Variants in ATP4A observed in about 807,000 individuals in gnomAD.
The protein encoded by ATP4A is ATPase H+/K+ transporting subunit alpha, also known as potassium-transporting ATPase alpha chain 1.
In ATP4A, 73 loss-of-function variants were observed where a neutral mutation model predicts 112.1. The ratio of observed to expected loss-of-function variants is 0.65; its 90% CI spans 0.54 to 0.79. ATP4A has a LOEUF of 0.79. ATP4A is among the 30% of genes least tolerant of loss of function. The pLI, the probability that ATP4A is intolerant of heterozygous loss-of-function variation, is 0.00. For missense variants in ATP4A, 1,081 were observed against 1,425.9 expected, an observed-to-expected ratio of 0.76 and a Z score of 3.90; for synonymous variants, 588 against 588.9, an observed-to-expected ratio of 1.00 and a Z score of 0.02.
At chr19:35,552,031 A>G (rs988275692) in intron 18 of ATP4A, among the ~76,000 whole-genome samples, 4 of 152,118 alleles carry the variant, frequency 2.6e-5, no homozygotes, top group African/African-American at 9.7e-5. Context: ...GCCACTATGC[A>G]GCCCATTTCT....
rs753954238 is a variant in ATP4A at position 35,558,561 on chromosome 19, G to GC, written c.1365+15dup. ...ACCAGCCTCCCGGGATTCCCTGGAG[G>GC]CCCCCTGGCTCTCACCTTGGGCACA... On this transcript the variant is annotated intron_variant, in intron 9 of 21. Coordinates refer to ENST00000262623, the MANE Select transcript of ATP4A (RefSeq NM_000704.3). The surrounding 1 kb of genome is among the most constrained non-coding windows in gnomAD (Gnocchi z 5.1). 6 of 1,595,774 alleles carry GC rather than the reference G, an allele frequency of 3.8e-6. No individual in the cohort carries two copies. Among genetic ancestry groups the GC allele is most frequent in the Non-Finnish European group, 5.1e-6 (6 of 1,172,078 alleles).
In ATP4A at chr19:35,556,942, CA is replaced by C; in HGVS notation, c.1839del (p.Val614CysfsTer11). 6.2e-7 allele frequency: 1 copy of C among 1,614,198 alleles called. No individual in the cohort carries two copies. The highest frequency in any genetic ancestry group is 1.1e-5 in the South Asian group (1 of 91,082). ...IDPPRATVPD[A>X]VLKCRTAGIR... is the part of the protein sequence containing the mutation. The stretch of plus-strand genomic sequence containing the variant: ...ATGCCTGCGGTGCGACACTTGAGCA[CA>C]GCATCAGGGACGGTGGCCCGGGGTG... On this transcript the variant is annotated frameshift_variant, in exon 12 of 22. Coordinates refer to ENST00000262623, the MANE Select transcript of ATP4A (RefSeq NM_000704.3). LOFTEE classifies it high-confidence loss of function.
At chr19:35,563,593 C>A (rs2071685817) in intron 1 of ATP4A, 25 bp downstream of exon 1, 1 of 1,613,910 alleles carries the variant, frequency 6.2e-7, no homozygotes, top group Non-Finnish European at 8.5e-7. Flanking sequence ...CCCCACTGCA[C>A]CCCGGACCCC....
Position 35,558,139 on chromosome 19 carries a change from C to G in ATP4A, c.1500+223G>C, listed in dbSNP as rs2071643585. The G allele has an allele frequency of 3.0e-6, 2 of 662,148 alleles. No individual in the cohort carries two copies. Among genetic ancestry groups the G allele is most frequent in the African/African-American group, 1.9e-5 (1 of 53,806 alleles). The allele number at this position is 662,148 out of a possible 1,614,324, so 41.0% of individuals were successfully genotyped here. A position where few individuals can be genotyped will look rare whatever the true frequency, so the allele number is the denominator to read the frequency against. ...CGGATTTGGAGAGCGAGGTGCTCCC[C>G]ATGGACAGTCCCGCCGAGGAGAAGC... is the stretch of plus-strand genomic sequence containing the variant. On this transcript the variant is annotated intron_variant, in intron 10 of 21. Transcript: ENST00000262623. This position sits in a 1 kb window ranked among gnomAD's most constrained non-coding sequence, Gnocchi z 5.1.
Position 35,560,663 on chromosome 19 carries a change from G to GGGGGGGGGGGGGC in ATP4A, c.535-49_535-48insGCCCCCCCCCCCC. Reference sequence around the variant, plus strand: ...TTGAGGTGGACGGGGGTGGGGGTGGGAGCTGCTGCATGTGGGGAGGTAAAG... The same window carrying GGGGGGGGGGGGGC: ...TTGAGGTGGACGGGGGTGGGGGTGGGGGGGGGGGGGGGCAGCTGCTGCATGTGGGGAGGTAAAG... On this transcript the variant is annotated intron_variant, in intron 5 of 21. Transcript: ENST00000262623. The surrounding 1 kb of genome is among the most constrained non-coding windows in gnomAD (Gnocchi z 5.1). The GGGGGGGGGGGGGC allele has an allele frequency of 2.3e-5, 20 of 883,816 alleles. No homozygotes were observed. The highest frequency in any genetic ancestry group is 6.8e-5 in the East Asian group (2 of 29,412). 54.7% of individuals were successfully genotyped at this position (883,816 alleles called of 1,614,324 possible).
In ATP4A at chr19:35,557,953, T is replaced by G. The variant is rs559125761; in HGVS notation, c.1501-106A>C. 1 of 929,214 alleles carries G rather than the reference T, an allele frequency of 1.1e-6. No homozygotes were observed. The highest frequency in any genetic ancestry group is 1.8e-5 in the South Asian group (1 of 56,138). 57.6% of individuals were successfully genotyped at this position (929,214 alleles called of 1,614,324 possible). A position where few individuals can be genotyped will look rare whatever the true frequency, so the allele number is the denominator to read the frequency against. On this transcript the variant is annotated intron_variant, in intron 10 of 21. Coordinates refer to ENST00000262623, the MANE Select transcript of ATP4A (RefSeq NM_000704.3). This position sits in a 1 kb window ranked among gnomAD's most constrained non-coding sequence, Gnocchi z 4.4. ...GAGAGGGGCGGGGCCGAGAGCTCGG[T>G]GCGGGCTCTGAGAGCTGCGGGGAAG...
intron 16 of ATP4A, 78 bp from the exon 17 acceptor site, chr19:35,553,907 C>G (rs941808269): frequency 4.0e-6 from 6 of 1,507,056 alleles, no homozygotes; most frequent in South Asian, 2.6e-5. Context: ...CCCCTTCCCC[C>G]ACTTGTGAGC....
At position 35,560,734 on chromosome 19, in the gene ATP4A, G is replaced by A; in HGVS notation, c.534+85C>T. ...ATGGGGAGAGATGGAGGCCACAGAT[G>A]AGGGACAGGGGCCTGATGGAAGGAG... On this transcript the variant is annotated intron_variant, in intron 5 of 21. Transcript: ENST00000262623. The surrounding 1 kb of genome is among the most constrained non-coding windows in gnomAD (Gnocchi z 5.1). 3 of 1,573,762 alleles carry A rather than the reference G, an allele frequency of 1.9e-6. No homozygotes were observed. The highest frequency in any genetic ancestry group is 2.6e-6 in the Non-Finnish European group (3 of 1,144,472).
intron 16 of ATP4A, 116 bp from the exon 17 acceptor site, chr19:35,553,945 G>A: frequency 7.1e-7 from 1 of 1,399,516 alleles, no homozygotes; most frequent in Non-Finnish European, 9.5e-7. Flanking sequence ...TAGCAGGCAG[G>A]ACCTGCAGGG....
Position 35,559,677 on chromosome 19 carries a change from G to C in ATP4A, c.1056+128C>G, listed in dbSNP as rs544400691. 1 of 1,392,858 alleles carries C rather than the reference G, an allele frequency of 7.2e-7. No individual in the cohort carries two copies. Among genetic ancestry groups the C allele is most frequent in the Non-Finnish European group, 9.6e-7 (1 of 1,040,158 alleles). 86.3% of individuals were successfully genotyped at this position (1,392,858 alleles called of 1,614,324 possible). A position where few individuals can be genotyped will look rare whatever the true frequency, so the allele number is the denominator to read the frequency against. Reference sequence around the variant, plus strand: ...TGCTGAATGAGTGGATGATGGGAAGGCAGGAGAATGGATGGGAGCTAAGTG... The same window carrying C: ...TGCTGAATGAGTGGATGATGGGAAGCCAGGAGAATGGATGGGAGCTAAGTG... On this transcript the variant is annotated intron_variant, in intron 7 of 21. Coordinates refer to ENST00000262623, the MANE Select transcript of ATP4A (RefSeq NM_000704.3). The surrounding 1 kb of genome is among the most constrained non-coding windows in gnomAD (Gnocchi z 4.1).
chr19:35,551,575 G>C lies in ATP4A; in HGVS notation c.2757C>G (p.Phe919Leu), dbSNP rs542515077. 1 of 1,611,850 alleles carries C rather than the reference G, an allele frequency of 6.2e-7. No homozygotes were observed. Among genetic ancestry groups the C allele is most frequent in the Non-Finnish European group, 8.5e-7 (1 of 1,179,022 alleles). Residue 919 changes from phenylalanine to leucine, a missense_variant, in exon 19 of 22, where the codon TTC becomes TTG. Phe to Leu is a conservative substitution (Grantham distance 22). Transcript: ENST00000262623. This position sits in a 1 kb window ranked among gnomAD's most constrained non-coding sequence, Gnocchi z 5.2. ...TGTACTGCTGGTACAGGCGCTGCCCGAATGTCTGCAGGCCAGGGGCAAACG... is the reference window on the plus strand; with the variant it reads ...TGTACTGCTGGTACAGGCGCTGCCCCAATGTCTGCAGGCCAGGGGCAAACG... ...LQDSYGQEWT[F>L]GQRLYQQYTC... is the part of the protein sequence containing the mutation.
chr19:35,558,937 G>A lies in ATP4A; in HGVS notation c.1255+56C>T. Reference sequence around the variant, plus strand: ...CTCCCTACCTCCCTATCCCTCTTCAGGTCTCCACCATCCACCAGATCCTGC... The same window carrying A: ...CTCCCTACCTCCCTATCCCTCTTCAAGTCTCCACCATCCACCAGATCCTGC... On this transcript the variant is annotated intron_variant, in intron 8 of 21. Coordinates refer to ENST00000262623, the MANE Select transcript of ATP4A (RefSeq NM_000704.3). This position sits in a 1 kb window ranked among gnomAD's most constrained non-coding sequence, Gnocchi z 5.1. The A allele has an allele frequency of 1.9e-6, 3 of 1,599,482 alleles. No individual in the cohort carries two copies. The South Asian group carries it at 3.3e-5, about 18-fold the overall frequency.
In ATP4A at chr19:35,559,804, C is replaced by T. The variant is rs2071656401; in HGVS notation, c.1056+1G>A. On this transcript the variant is annotated splice_donor_variant, in intron 7 of 21. Coordinates refer to ENST00000262623, the MANE Select transcript of ATP4A (RefSeq NM_000704.3). LOFTEE classifies it high-confidence loss of function. This position sits in a 1 kb window ranked among gnomAD's most constrained non-coding sequence, Gnocchi z 4.1. ...CTGCATCCCCGCCTGCCCCCACTCA[C>T]TGTGACAGTGGCCAGCAGCCCCTCA... 2 of 1,613,656 alleles carry T rather than the reference C, an allele frequency of 1.2e-6. No homozygotes were observed. Among genetic ancestry groups the T allele is most frequent in the Non-Finnish European group, 8.5e-7 (1 of 1,179,760 alleles).
In ATP4A at chr19:35,557,778, G is replaced by T. The variant is rs777938519; in HGVS notation, c.1570C>A (p.Arg524Ser). Residue 524 changes from arginine (R) to serine (S), a missense_variant, in exon 11 of 22, where the codon CGC becomes AGC. Around this residue, in one of 3 missense-constraint regions of ATP4A, gnomAD observed 850 missense variants for 1,068.2 expected, o/e 0.80. Transcript: ENST00000262623. This position sits in a 1 kb window ranked among gnomAD's most constrained non-coding sequence, Gnocchi z 4.4. The stretch of plus-strand genomic sequence containing the variant: ...ATGGAGCTGCAGCGCTCCAGCACGC[G>T]CTCGGGGGCGCCCTTCATCACCAGC... ...HLLVMKGAPE[R>S]VLERCSSILI... is the part of the protein sequence containing the mutation. 1.1e-4 allele frequency: 174 copies of T among 1,582,596 alleles called. No individual in the cohort carries two copies. Among genetic ancestry groups the T allele is most frequent in the Non-Finnish European group, 1.5e-4 (169 of 1,159,084 alleles).
chr19:35,559,093 G>A lies in ATP4A; in HGVS notation c.1155C>T (p.Cys385=), dbSNP rs1157865599. 1 of 1,614,224 alleles carries A rather than the reference G, an allele frequency of 6.2e-7. No individual in the cohort carries two copies. The highest frequency in any genetic ancestry group is 1.7e-5 in the Admixed American group (1 of 60,026). Residue 385 remains cysteine (C), a synonymous_variant, in exon 8 of 22, where the codon TGC becomes TGT. Coordinates refer to ENST00000262623, the MANE Select transcript of ATP4A (RefSeq NM_000704.3). The surrounding 1 kb of genome is among the most constrained non-coding windows in gnomAD (Gnocchi z 4.1). ...GAGTGAGAGTCCCTGTCTTGTCCGA[G>A]CAGATCACCGAAGTGGAGCCCAATG... The part of the protein sequence containing the change: ...VETLGSTSVI[C]SDKTGTLTQN...
In ATP4A at chr19:35,555,506, G is replaced by T; in HGVS notation, c.2091C>A (p.Pro697=). The change falls in exon 14 of 22, where the codon CCC becomes CCA. Residue 697 remains proline, a synonymous_variant. Coordinates refer to ENST00000262623, the MANE Select transcript of ATP4A (RefSeq NM_000704.3). The surrounding 1 kb of genome is among the most constrained non-coding windows in gnomAD (Gnocchi z 6.6). ...GGCTGGTGCGCGCAAACACCATCTC[G>T]GGGTGGGTGCGCAGGGCCTCGACCA... ...SELVEALRTH[P]EMVFARTSPQ... The T allele has an allele frequency of 6.2e-7, 1 of 1,608,020 alleles. No individual in the cohort carries two copies. The highest frequency in any genetic ancestry group is 1.1e-5 in the South Asian group (1 of 90,240).
At chr19:35,552,916 GGGGTCC>G in intron 18 of ATP4A, 115 bp downstream of exon 18, 2 of 1,308,852 alleles carry the variant, frequency 1.5e-6, no homozygotes, top group Non-Finnish European at 2.0e-6. Context: ...AGGGAGTCTG[GGGGTCC>G]GGGATGCTCT....
Position 35,551,272 on chromosome 19 carries a change from A to C in ATP4A, c.2886-161T>G, listed in dbSNP as rs1426189524. Among the ~76,000 whole-genome samples the C allele has an allele frequency of 6.6e-6, 1 of 152,068 alleles. No individual in the cohort carries two copies. The highest frequency in any genetic ancestry group is 2.4e-5 in the African/African-American group (1 of 41,404). On this transcript the variant is annotated intron_variant, in intron 19 of 21. Coordinates refer to ENST00000262623, the MANE Select transcript of ATP4A (RefSeq NM_000704.3). The surrounding 1 kb of genome is among the most constrained non-coding windows in gnomAD (Gnocchi z 5.2). ...GCCTCTCAGCACCACCCCTTTAGTG[A>C]AATGTGGAGGGGGCCGTGGGGGGAG...
rs2071644439 is a variant in ATP4A at position 35,558,236 on chromosome 19, G to A, written c.1500+126C>T. 20 of 1,256,578 alleles carry A rather than the reference G, an allele frequency of 1.6e-5. No homozygotes were observed. In the South Asian group the frequency reaches 2.7e-4, roughly 17 times the overall value. The allele number at this position is 1,256,578 out of a possible 1,614,324, so 77.8% of individuals were successfully genotyped here. On this transcript the variant is annotated intron_variant, in intron 10 of 21. Coordinates refer to ENST00000262623, the MANE Select transcript of ATP4A (RefSeq NM_000704.3). The surrounding 1 kb of genome is among the most constrained non-coding windows in gnomAD (Gnocchi z 5.1). ...GGGCCATAGGCGGAGCGGGAGATGG[G>A]GTGGGGTTTGGCTGCGGAGAGAAGG...
Sources: gnomAD v4.1 joint callset for allele counts (sites outside exome capture counted in the v4.1 genomes callset) on GRCh38, gnomAD v4.1.1 for gene constraint, gnomAD v4.1.1 regional missense constraint, Gnocchi (gnomAD v3.1) non-coding constraint, MANE v1.5 for transcripts, NCBI Gene and HGNC (gene_info 2026-07-23, HGNC 2026-07-21) for gene names.